Variants in MIPOL1 observed in about 807,000 individuals in gnomAD.
MIPOL1 encodes mirror-image polydactyly gene 1 protein.
A neutral mutation model predicts 60.9 loss-of-function variants in MIPOL1; 57 were observed. That is an observed-to-expected ratio of 0.94 (90% CI 0.76 to 1.17). The LOEUF (loss-of-function observed/expected upper bound fraction) is 1.17, where lower values mean the gene tolerates loss of function less well. Among genes scored for constraint, MIPOL1 ranks in the 50% most tolerant of loss-of-function variants. The pLI is 0.00. For synonymous variants in MIPOL1, 179 were observed against 168.8 expected, an observed-to-expected ratio of 1.06 and a Z score of -0.47; for missense variants, 551 against 511.6, an observed-to-expected ratio of 1.08 and a Z score of -0.74.
chr14:37,217,002 TAAAC>T (rs1031137032), intron 1 of MIPOL1, among the ~76,000 whole-genome samples: 9 of 151,934 alleles, frequency 5.9e-5, no homozygotes, highest in African/African-American at 9.7e-5. Flanking sequence ...TTTGAAAAGT[TAAAC>T]AAAGTTGACA....
intron 4 of MIPOL1, 37 bp from the exon 5 acceptor site, chr14:37,268,621 T>A: frequency 6.6e-7 from 1 of 1,514,860 alleles, no homozygotes; most frequent in Non-Finnish European, 8.9e-7. Flanking sequence ...AATTAGTTTA[T>A]CTTACTCTGA....
At chr14:37,313,216 A>C (rs998100387) in intron 9 of MIPOL1, among the ~76,000 whole-genome samples, 1 of 152,188 alleles carries the variant, frequency 6.6e-6, no homozygotes, top group Non-Finnish European at 1.5e-5. Context: ...TAGAAGCACA[A>C]TTGGACTCAG....
chr14:37,285,813 C>G (rs866577788), intron 7 of MIPOL1, among the ~76,000 whole-genome samples: 1 of 152,030 alleles, frequency 6.6e-6, no homozygotes, highest in East Asian at 1.9e-4. Flanking sequence ...AGGATGGTCT[C>G]GAACTCCTGA....
chr14:37,380,028 A>G (rs1025639241), intron 10 of MIPOL1, among the ~76,000 whole-genome samples: 3 of 152,084 alleles, frequency 2.0e-5, no homozygotes, highest in Non-Finnish European at 4.4e-5. Context: ...TACTCCTTCA[A>G]TAATTTGGAA....
Position 37,308,602 on chromosome 14 carries a change from A to C in MIPOL1, c.828+83A>C, listed in dbSNP as rs2086995633. ...AACCATTAAAAACTGACTTTGGCCC[A>C]GATATTCTTAATTCACATTAATTTT... is the stretch of plus-strand genomic sequence containing the variant. On this transcript the variant is annotated intron_variant, in intron 9 of 12. Coordinates refer to ENST00000684589, the MANE Select transcript of MIPOL1 (RefSeq NM_001388067.1). 3.0e-6 allele frequency: 3 copies of C among 1,001,474 alleles called. No individual in the cohort carries two copies. The South Asian group carries it at 9.2e-5, about 31-fold the overall frequency. 62.0% of individuals were successfully genotyped at this position (1,001,474 alleles called of 1,614,324 possible).
intron 10 of MIPOL1, among the ~76,000 whole-genome samples, chr14:37,389,285 T>C (rs1566499787): frequency 6.6e-6 from 1 of 152,092 alleles, no homozygotes; most frequent in African/African-American, 2.4e-5. Context: ...TTCATAAGAC[T>C]AAAAAATGTA....
At chr14:37,261,005 G>T (rs2082482456) in intron 3 of MIPOL1, among the ~76,000 whole-genome samples, 1 of 151,924 alleles carries the variant, frequency 6.6e-6, no homozygotes, top group African/African-American at 2.4e-5. Context: ...CTTTGACGGT[G>T]AATTTTCTCA....
At chr14:37,450,025 C>G (rs2153573841) in intron 11 of MIPOL1, among the ~76,000 whole-genome samples, 1 of 152,224 alleles carries the variant, frequency 6.6e-6, no homozygotes, top group East Asian at 1.9e-4. Flanking sequence ...ACTGGCCAGG[C>G]TGGTCTCGAA....
intron 12 of MIPOL1, among the ~76,000 whole-genome samples, chr14:37,532,611 A>G (rs1566785190): frequency 6.6e-6 from 1 of 152,174 alleles, no homozygotes; most frequent in Non-Finnish European, 1.5e-5. Flanking sequence ...TCCTGGTAAA[A>G]TCCTCAAGGA....
At chr14:37,262,869 G>GA (rs2082609883) in intron 3 of MIPOL1, among the ~76,000 whole-genome samples, 1 of 152,008 alleles carries the variant, frequency 6.6e-6, no homozygotes, top group Non-Finnish European at 1.5e-5. Context: ...CCCCCCAGGG[G>GA]ACCATCAAAT....
In MIPOL1 at chr14:37,481,175, T is replaced by A. The variant is rs1021150393; in HGVS notation, c.1032-18733T>A. On this transcript the variant is annotated intron_variant, in intron 11 of 12. Coordinates refer to ENST00000684589, the MANE Select transcript of MIPOL1 (RefSeq NM_001388067.1). ...ACACAAAAAACAAATACAGTAAAGT[T>A]GTAGGATACAAAATCAACACCCCGA... 3.4e-4 allele frequency among the ~76,000 whole-genome samples: 52 copies of A among 151,988 alleles called. 1 individual carries two copies. Among genetic ancestry groups the A allele is most frequent in the African/African-American group, 1.2e-3 (49 of 41,394 alleles).
chr14:37,516,422 G>A (rs1029926591), intron 12 of MIPOL1, among the ~76,000 whole-genome samples: 2 of 152,028 alleles, frequency 1.3e-5, no homozygotes, highest in Non-Finnish European at 2.9e-5. Context: ...CTGATTTGAG[G>A]ACTCTCAGTT....
chr14:37,461,922 G>A (rs929035835), intron 11 of MIPOL1, among the ~76,000 whole-genome samples: 4 of 152,068 alleles, frequency 2.6e-5, no homozygotes, highest in African/African-American at 9.7e-5. Flanking sequence ...AACTTTTCTA[G>A]GCACACAGTG....
intron 9 of MIPOL1, among the ~76,000 whole-genome samples, chr14:37,354,950 A>G (rs1489371768): frequency 7.8e-5 from 4 of 51,308 alleles, no homozygotes; most frequent in African/African-American, 2.7e-4. Flanking sequence ...TCCTGTCATT[A>G]TGATGTTAGC....
chr14:37,410,651 G>A (rs1272051469), intron 10 of MIPOL1, among the ~76,000 whole-genome samples: 1 of 152,032 alleles, frequency 6.6e-6, no homozygotes, highest in East Asian at 1.9e-4. Flanking sequence ...TTAAAACTAT[G>A]TAAAAAGAAT....
chr14:37,275,300 A>G (rs2083569873), intron 6 of MIPOL1, among the ~76,000 whole-genome samples: 1 of 151,258 alleles, frequency 6.6e-6, no homozygotes, highest in South Asian at 2.1e-4. Context: ...TGAAAATTGT[A>G]TGAATGACCT....
chr14:37,348,109 T>C (rs2091076478), intron 9 of MIPOL1, among the ~76,000 whole-genome samples: 1 of 152,200 alleles, frequency 6.6e-6, no homozygotes, highest in Non-Finnish European at 1.5e-5. Flanking sequence ...TATTCCCATC[T>C]TTACGTCCAT....
At chr14:37,222,568 C>T (rs1372018301) in intron 1 of MIPOL1, among the ~76,000 whole-genome samples, 1 of 152,242 alleles carries the variant, frequency 6.6e-6, no homozygotes, top group Admixed American at 6.5e-5. Context: ...CATAATTAAA[C>T]CAAGTTCTTT....
At chr14:37,527,319 G>A (rs541634920) in intron 12 of MIPOL1, among the ~76,000 whole-genome samples, 1 of 151,764 alleles carries the variant, frequency 6.6e-6, no homozygotes, top group Admixed American at 6.6e-5. Flanking sequence ...CTTTTGAGTT[G>A]CTTATTTGAG....
Sources: gnomAD v4.1 joint callset for allele counts (sites outside exome capture counted in the v4.1 genomes callset) on GRCh38, gnomAD v4.1.1 for gene constraint, MANE v1.5 for transcripts, NCBI Gene and HGNC (gene_info 2026-07-23, HGNC 2026-07-21) for gene names.